NEDD4: variants seen among roughly 807,000 people sequenced by gnomAD.
NEDD4 encodes NEDD4 E3 ubiquitin protein ligase, also known as E3 ubiquitin-protein ligase NEDD4.
In NEDD4, 99 loss-of-function variants were observed where a neutral mutation model predicts 144.9. The ratio of observed to expected loss-of-function variants is 0.68; its 90% CI spans 0.58 to 0.81. The LOEUF (loss-of-function observed/expected upper bound fraction) is 0.81, where lower values mean the gene tolerates loss of function less well. Among genes scored for constraint, NEDD4 ranks in the 30% least tolerant of loss-of-function variants. The pLI is 0.00. For missense variants in NEDD4, 985 were observed against 1,065.9 expected, an observed-to-expected ratio of 0.92 and a Z score of 1.06; for synonymous variants, 318 against 350.6, an observed-to-expected ratio of 0.91 and a Z score of 1.04.
At chr15:55,834,818 G>A (rs911289967) in intron 24 of NEDD4, among the ~76,000 whole-genome samples, 1 of 152,136 alleles carries the variant, frequency 6.6e-6, no homozygotes, top group African/African-American at 2.4e-5. Context: ...GTAAGTGTAA[G>A]TTCTATTTGA....
intron 28 of NEDD4, 95 bp downstream of exon 28, chr15:55,830,419 A>G: frequency 9.1e-7 from 1 of 1,095,914 alleles, no homozygotes; most frequent in Non-Finnish European, 1.4e-6. Context: ...TGCCACCGAC[A>G]TAACACAGAG....
intron 9 of NEDD4, among the ~76,000 whole-genome samples, chr15:55,861,446 G>A (rs1370218029): frequency 2.0e-5 from 3 of 152,016 alleles, no homozygotes; most frequent in Non-Finnish European, 4.4e-5. Context: ...AAAAAAAACA[G>A]AAAGAATGAA....
intron 9 of NEDD4, among the ~76,000 whole-genome samples, chr15:55,861,232 G>T (rs150689676): frequency 5.1e-4 from 77 of 152,288 alleles, no homozygotes; most frequent in African/African-American, 1.8e-3. Context: ...AGTACTCCAT[G>T]CATGAATGTG....
chr15:55,923,175 T>G (rs777875905), intron 5 of NEDD4, among the ~76,000 whole-genome samples: 2 of 151,786 alleles, frequency 1.3e-5, no homozygotes, highest in African/African-American at 2.4e-5. Context: ...CAGAGTGAGA[T>G]TCTGTCAAAA....
intron 1 of NEDD4, among the ~76,000 whole-genome samples, chr15:55,978,460 A>G (rs1316599669): frequency 6.6e-6 from 1 of 152,170 alleles, no homozygotes; most frequent in Non-Finnish European, 1.5e-5. Flanking sequence ...TGAGATTGTA[A>G]TCTCTCACAT....
intron 4 of NEDD4, among the ~76,000 whole-genome samples, chr15:55,943,574 C>T (rs1353140844): frequency 6.6e-6 from 1 of 152,184 alleles, no homozygotes; most frequent in East Asian, 1.9e-4. Flanking sequence ...TGCAGGTGGG[C>T]ACAGGGCAAG....
chr15:55,832,736 C>T (rs1208220434), intron 27 of NEDD4, among the ~76,000 whole-genome samples: 3 of 152,024 alleles, frequency 2.0e-5, no homozygotes, highest in Non-Finnish European at 4.4e-5. Flanking sequence ...TTTTCTGTAA[C>T]GGATGCATAC....
At chr15:55,850,465 C>G in intron 14 of NEDD4, 77 bp downstream of exon 14, 1 of 1,377,396 alleles carries the variant, frequency 7.3e-7, no homozygotes, top group Non-Finnish European at 1.0e-6. Context: ...CTAATACATA[C>G]TTAAAGATTT....
At chr15:55,945,343 T>C (rs1000195173) in intron 4 of NEDD4, among the ~76,000 whole-genome samples, 22 of 152,088 alleles carry the variant, frequency 1.4e-4, no homozygotes, top group Admixed American at 3.9e-4. Flanking sequence ...CTGAAAACCA[T>C]GGCACAAGAA....
At chr15:55,891,439 G>T (rs1486214963) in intron 5 of NEDD4, among the ~76,000 whole-genome samples, 1 of 152,150 alleles carries the variant, frequency 6.6e-6, no homozygotes, top group Admixed American at 6.6e-5. Flanking sequence ...TCCTATGAAG[G>T]CAAGTCAGTC....
intron 2 of NEDD4, among the ~76,000 whole-genome samples, chr15:55,958,215 T>G (rs559339691): frequency 6.6e-6 from 1 of 152,372 alleles, no homozygotes; most frequent in African/African-American, 2.4e-5. Context: ...TATGTTAGTT[T>G]GCTGAGAGGT....
At chr15:55,912,288 A>C (rs1023995405) in intron 5 of NEDD4, among the ~76,000 whole-genome samples, 1 of 152,204 alleles carries the variant, frequency 6.6e-6, no homozygotes, top group Non-Finnish European at 1.5e-5. Context: ...TATTTTAGGA[A>C]GAACAATAAA....
intron 1 of NEDD4, among the ~76,000 whole-genome samples, chr15:55,990,890 G>C (rs1157603926): frequency 1.3e-5 from 2 of 152,176 alleles, no homozygotes; most frequent in African/African-American, 4.8e-5. Flanking sequence ...TCCTTTGTTT[G>C]TTAACACTTT....
intron 2 of NEDD4, among the ~76,000 whole-genome samples, chr15:55,964,211 C>T (rs2037471360): frequency 6.6e-6 from 1 of 152,096 alleles, no homozygotes; most frequent in Admixed American, 6.6e-5. Flanking sequence ...CCTCCCCTTT[C>T]TGTGTTAGAC....
At chr15:55,867,209 C>T (rs1420684820) in intron 8 of NEDD4, among the ~76,000 whole-genome samples, 4 of 152,154 alleles carry the variant, frequency 2.6e-5, no homozygotes, top group African/African-American at 9.7e-5. Flanking sequence ...CAGTCACAAA[C>T]TAGCTGTCAA....
intron 26 of NEDD4, 68 bp downstream of exon 26, chr15:55,833,966 TAATC>T: frequency 9.4e-7 from 1 of 1,067,868 alleles, no homozygotes; most frequent in East Asian, 2.4e-5. Context: ...CCAGTATAGT[TAATC>T]AAGAGTTGAC....
chr15:55,846,229 C>T (rs8033275), intron 18 of NEDD4, among the ~76,000 whole-genome samples: 108,364 of 152,094 alleles, frequency 0.71, 39,069 homozygotes, highest in Non-Finnish European at 0.78. Flanking sequence ...GCCCACCCAC[C>T]ATCTTGAATA....
At chr15:55,990,772 G>A (rs2037977992) in intron 1 of NEDD4, among the ~76,000 whole-genome samples, 1 of 152,140 alleles carries the variant, frequency 6.6e-6, no homozygotes, top group Non-Finnish European at 1.5e-5. Flanking sequence ...CTCAATTCCA[G>A]TCCCCGCATC....
rs1188779483 is a variant in NEDD4 at position 55,850,645 on chromosome 15, G to T, written c.1244C>A (p.Pro415Gln). ...TSDSGQQVTQPSEIEQGFLPK... is the reference protein window; with the variant it reads ...TSDSGQQVTQQSEIEQGFLPK... ...AAGGAATCCTTGCTCAATTTCAGATGGCTGGGTCACCTGCTGGCCTGAATC... is the reference window on the plus strand; with the variant it reads ...AAGGAATCCTTGCTCAATTTCAGATTGCTGGGTCACCTGCTGGCCTGAATC... Residue 415 changes from proline (P) to glutamine (Q), a missense_variant, in exon 14 of 29, where the codon CCA becomes CAA. Coordinates refer to ENST00000435532, the MANE Select transcript of NEDD4 (RefSeq NM_006154.4). The T allele has an allele frequency of 6.2e-7, 1 of 1,614,042 alleles. No homozygotes were observed. Among genetic ancestry groups the T allele is most frequent in the Non-Finnish European group, 8.5e-7 (1 of 1,180,036 alleles).
Sources: allele counts gnomAD v4.1 joint callset (sites outside exome capture counted in the v4.1 genomes callset), GRCh38; gene constraint gnomAD v4.1.1; transcripts MANE v1.5; gene names NCBI Gene and HGNC (gene_info 2026-07-23, HGNC 2026-07-21).